Variants in DNAH10 observed in about 807,000 individuals in gnomAD.
The protein encoded by DNAH10 is axonemal beta dynein heavy chain 10.
In DNAH10, 348 loss-of-function variants were observed where a neutral mutation model predicts 506.6. The ratio of observed to expected loss-of-function variants is 0.69; its 90% CI spans 0.63 to 0.75. DNAH10 has a LOEUF of 0.75. Among genes scored for constraint, DNAH10 ranks in the 30% least tolerant of loss-of-function variants. DNAH10 has a pLI of 0.00. For missense variants in DNAH10, 5,179 were observed against 5,787.1 expected, an observed-to-expected ratio of 0.89 and a Z score of 3.41; for synonymous variants, 2,059 against 2,198.6, an observed-to-expected ratio of 0.94 and a Z score of 1.78.
intron 9 of DNAH10, among the ~76,000 whole-genome samples, chr12:123,786,876 G>A (rs928876035): frequency 9.9e-5 from 15 of 152,096 alleles, no homozygotes; most frequent in East Asian, 7.8e-4. Flanking sequence ...GGTGGCTCAC[G>A]CCTGTAATTC....
chr12:123,908,726 G>T (rs1953924659), intron 57 of DNAH10, among the ~76,000 whole-genome samples: 1 of 152,202 alleles, frequency 6.6e-6, no homozygotes, highest in Non-Finnish European at 1.5e-5. Flanking sequence ...CAATTACGGG[G>T]CAACATAGCC....
rs113220504 is a variant in DNAH10, at chr12:123,930,269, C to T, written c.12613-133C>T. ...CAGTGGCCCGAAAGGTTATGCAAGT[C>T]AACAGGTTCAAGCCTTGCAGCAGCC... is the stretch of plus-strand genomic sequence containing the variant. On this transcript the variant is annotated intron_variant, in intron 72 of 78. Coordinates refer to ENST00000673944, the MANE Select transcript of DNAH10 (RefSeq NM_001372106.1). The T allele has an allele frequency of 1.2e-3, 1,002 of 819,110 alleles. 3 individuals carry two copies. Among genetic ancestry groups the T allele is most frequent in the Non-Finnish European group, 1.6e-3 (892 of 556,958 alleles). 50.7% of individuals were successfully genotyped at this position (819,110 alleles called of 1,614,324 possible). A position where few individuals can be genotyped will look rare whatever the true frequency, so the allele number is the denominator to read the frequency against.
At chr12:123,811,764 A>G (rs1453453930) in intron 19 of DNAH10, among the ~76,000 whole-genome samples, 3 of 151,922 alleles carry the variant, frequency 2.0e-5, no homozygotes. Flanking sequence ...CGGCCTCCCA[A>G]AGTGCTGGGA....
intron 10 of DNAH10, among the ~76,000 whole-genome samples, chr12:123,789,591 C>T (rs930218248): frequency 6.6e-5 from 10 of 152,122 alleles, no homozygotes; most frequent in African/African-American, 2.2e-4. Context: ...GCCATGTTTG[C>T]CAGGCTTGTC....
Position 123,917,547 on chromosome 12 carries a change from GC to G in DNAH10, c.11003-35del. On this transcript the variant is annotated intron_variant, in intron 63 of 78. Transcript: ENST00000673944. This position sits in a 1 kb window ranked among gnomAD's most constrained non-coding sequence, Gnocchi z 5.6. ...GCAGCGGGAGAGACTGTTGTTGGGG[GC>G]CGCAGGTGGTGAGGGCCTCTCACTG... The G allele has an allele frequency of 6.5e-7, 1 of 1,539,494 alleles. No homozygotes were observed. The highest frequency in any genetic ancestry group is 8.8e-7 in the Non-Finnish European group (1 of 1,138,880).
chr12:123,925,138 G>C lies in DNAH10; in HGVS notation c.11855G>C (p.Arg3952Pro), dbSNP rs759123879. 2 of 1,613,948 alleles carry C rather than the reference G, an allele frequency of 1.2e-6. No homozygotes were observed. The highest frequency in any genetic ancestry group is 1.6e-4 in the Middle Eastern group (1 of 6,062). Reference protein sequence around the residue: ...ITPFQKLLILRCFRVDRVYRA... With the variant: ...ITPFQKLLILPCFRVDRVYRA... ...CCTTTCCAGAAGTTGCTTATTTTGC[G>C]CTGTTTCCGTGTGGATCGGGTCTAT... The change falls in exon 68 of 79, where the codon CGC (arginine) becomes CCC (proline). Residue 3952 changes from arginine to proline, a missense_variant. Arg to Pro is a moderately radical substitution (Grantham distance 103). Transcript: ENST00000673944. This position sits in a 1 kb window ranked among gnomAD's most constrained non-coding sequence, Gnocchi z 4.0.
intron 3 of DNAH10, among the ~76,000 whole-genome samples, 197 bp downstream of exon 3, chr12:123,771,895 T>A (rs1345493465): frequency 6.6e-6 from 1 of 152,268 alleles, no homozygotes; most frequent in Non-Finnish European, 1.5e-5. Context: ...ATATTCATAG[T>A]TATAGTTTAT....
At chr12:123,904,344 G>A (rs547207133) in intron 57 of DNAH10, among the ~76,000 whole-genome samples, 3 of 152,260 alleles carry the variant, frequency 2.0e-5, no homozygotes, top group Admixed American at 6.5e-5. Flanking sequence ...TAGGAGACAC[G>A]GTCAGCACAC....
In DNAH10 at chr12:123,785,978, CACTTTTT is replaced by C. The variant is rs1473078138; in HGVS notation, c.1421+51_1421+57del. The C allele has an allele frequency of 6.3e-7, 1 of 1,580,508 alleles. No homozygotes were observed. Among genetic ancestry groups the C allele is most frequent in the East Asian group, 2.3e-5 (1 of 44,302 alleles). ...TTCATTTTTTTGTTTTGTTTTGTTT[CACTTTTT>C]ACTTTTTAGATCTTAAACAGCTCTA... On this transcript the variant is annotated intron_variant, in intron 9 of 78. Coordinates refer to ENST00000673944, the MANE Select transcript of DNAH10 (RefSeq NM_001372106.1). The surrounding 1 kb of genome is among the most constrained non-coding windows in gnomAD (Gnocchi z 4.1).
At chr12:123,884,064 C>T (rs1295800788) in intron 51 of DNAH10, among the ~76,000 whole-genome samples, 1 of 152,058 alleles carries the variant, frequency 6.6e-6, no homozygotes, top group Non-Finnish European at 1.5e-5. Flanking sequence ...GATGGAGTTT[C>T]GCTCTGTTGC....
intron 37 of DNAH10, 129 bp downstream of exon 37, chr12:123,857,376 A>G (rs1362643616): frequency 2.4e-6 from 2 of 825,386 alleles, no homozygotes; most frequent in South Asian, 2.8e-5. Flanking sequence ...ATTTTTCCCC[A>G]TTTTTAAATC....
At chr12:123,934,183 C>A in intron 77 of DNAH10, 1 of 699,772 alleles carries the variant, frequency 1.4e-6, no homozygotes, top group Non-Finnish European at 2.6e-6. Flanking sequence ...GCTGGGTCCT[C>A]CTCCCCGGAG....
At position 123,879,261 on chromosome 12, in the gene DNAH10, C is replaced by T. The variant is rs914954120; in HGVS notation, c.8373-3C>T. On this transcript the variant is annotated splice_region_variant and splice_polypyrimidine_tract_variant and intron_variant, in intron 48 of 78. Coordinates refer to ENST00000673944, the MANE Select transcript of DNAH10 (RefSeq NM_001372106.1). ...GCTGATTTTTGTCCCTTCCATTCTG[C>T]AGATTCCAGACGGTGGCCCAGATGG... 2.6e-6 allele frequency: 4 copies of T among 1,568,558 alleles called. No homozygotes were observed. The African/African-American group carries it at 4.1e-5, about 16-fold the overall frequency.
At chr12:123,908,996 G>A (rs938003870) in intron 57 of DNAH10, among the ~76,000 whole-genome samples, 2 of 152,168 alleles carry the variant, frequency 1.3e-5, no homozygotes, top group African/African-American at 4.8e-5. Context: ...GACGCTCCGG[G>A]GACGGCCTGG....
At chr12:123,807,818 T>A (rs1251517883) in intron 18 of DNAH10, among the ~76,000 whole-genome samples, 1 of 18,568 alleles carries the variant, frequency 5.4e-5, no homozygotes, top group Non-Finnish European at 1.0e-4. Flanking sequence ...GAGAGAGAGA[T>A]AAGGAGGGGG....
chr12:123,848,293 C>T (rs1184052344), intron 33 of DNAH10, among the ~76,000 whole-genome samples, 198 bp downstream of exon 33: 2 of 152,204 alleles, frequency 1.3e-5, no homozygotes, highest in Admixed American at 6.5e-5. Flanking sequence ...GCAAGAGTCC[C>T]GGATTCACTA....
At chr12:123,908,120 CT>C (rs1214448522) in intron 57 of DNAH10, among the ~76,000 whole-genome samples, 14 of 145,060 alleles carry the variant, frequency 9.7e-5, no homozygotes, top group African/African-American at 1.6e-4. Flanking sequence ...CTCCCTGTCT[CT>C]CTGTCTCCTC....
chr12:123,892,772 G>T (rs1348285471), intron 52 of DNAH10, among the ~76,000 whole-genome samples: 2 of 152,230 alleles, frequency 1.3e-5, no homozygotes, highest in African/African-American at 4.8e-5. Context: ...GGGCTGGGCT[G>T]TTCTTTGTTG....
chr12:123,877,767 G>A lies in DNAH10; in HGVS notation c.8231G>A (p.Gly2744Asp). The A allele has an allele frequency of 2.5e-6, 4 of 1,613,662 alleles. No individual in the cohort carries two copies. The highest frequency in any genetic ancestry group is 3.4e-6 in the Non-Finnish European group (4 of 1,179,784). The change falls in exon 48 of 79, where the codon GGC (glycine) becomes GAC (aspartate). Residue 2744 changes from glycine (G) to aspartate (D), a missense_variant. Physicochemically the swap from Gly to Asp is moderately conservative, Grantham distance 94 (BLOSUM62 -1). Transcript: ENST00000673944. ...TFHESIVAVS[G>D]KLTFCTLALY... ...CATGAGAGCATTGTGGCTGTGAGTG[G>A]CAAGCTGACATTCTGCACGCTAGCA...
Sources: allele counts gnomAD v4.1 joint callset (sites outside exome capture counted in the v4.1 genomes callset), GRCh38; gene constraint gnomAD v4.1.1; non-coding constraint Gnocchi (gnomAD v3.1); transcripts MANE v1.5; gene names NCBI Gene and HGNC (gene_info 2026-07-23, HGNC 2026-07-21).